The following CPVL variants were observed in gnomAD, a reference collection of about 807,000 sequenced individuals.
CPVL encodes the protein carboxypeptidase vitellogenic like, also known as probable serine carboxypeptidase CPVL.
Under a neutral mutation model 63.7 loss-of-function variants are expected in CPVL, and 51 were observed. That is an observed-to-expected ratio of 0.80 (90% CI 0.64 to 1.01). The LOEUF (loss-of-function observed/expected upper bound fraction) is 1.01, where lower values mean the gene tolerates loss of function less well. CPVL is among the 50% of genes least tolerant of loss of function. The pLI is 0.00. For synonymous variants in CPVL, 195 were observed against 206.0 expected (o/e 0.95, Z 0.46); for missense variants, 530 against 573.1 (o/e 0.92, Z 0.77).
At chr7:29,071,725 C>G in intron 9 of CPVL, 48 bp downstream of exon 9, 1 of 1,444,884 alleles carries the variant, frequency 6.9e-7, no homozygotes. Context: ...CCTCCCTCCC[C>G]AGATGGTTTT....
At chr7:29,098,098 A>T (rs1471135672) in intron 3 of CPVL, among the ~76,000 whole-genome samples, 1 of 152,168 alleles carries the variant, frequency 6.6e-6, no homozygotes, top group Non-Finnish European at 1.5e-5. Context: ...CCCAGAATAA[A>T]ATCCCACCAC....
At chr7:29,003,640 C>T (rs1784882557) in intron 12 of CPVL, among the ~76,000 whole-genome samples, 1 of 152,112 alleles carries the variant, frequency 6.6e-6, no homozygotes, top group South Asian at 2.1e-4. Context: ...AAAGACAGTA[C>T]TTGCACAAAA....
At chr7:29,175,192 T>C (rs1041509534) in intron 5 of CPVL, among the ~76,000 whole-genome samples, 1 of 149,420 alleles carries the variant, frequency 6.7e-6, no homozygotes. Context: ...TTTTTTTTTT[T>C]GAGACGGGGC....
At chr7:29,105,692 T>G (rs773181504) in intron 3 of CPVL, among the ~76,000 whole-genome samples, 12 of 152,148 alleles carry the variant, frequency 7.9e-5, no homozygotes, top group Non-Finnish European at 1.8e-4. Context: ...TCACCTTTAA[T>G]TCTGTTACAA....
chr7:29,003,426 T>C (rs1009538211), intron 12 of CPVL, among the ~76,000 whole-genome samples: 5 of 152,008 alleles, frequency 3.3e-5, no homozygotes, highest in Non-Finnish European at 7.4e-5. Context: ...AAACAAAAAA[T>C]TGGAAAAGGT....
At chr7:29,033,105 C>A (rs1264364699) in intron 11 of CPVL, among the ~76,000 whole-genome samples, 2 of 152,094 alleles carry the variant, frequency 1.3e-5, no homozygotes, top group Non-Finnish European at 2.9e-5. Context: ...AGCAAGGAAA[C>A]CATTTTGTAT....
intron 11 of CPVL, among the ~76,000 whole-genome samples, chr7:29,061,076 C>T (rs1791228437): frequency 1.3e-5 from 2 of 152,152 alleles, no homozygotes; most frequent in African/African-American, 2.4e-5. Context: ...TTATCTATAC[C>T]ACTAAACTCT....
intron 1 of CPVL, chr7:29,192,960 G>A (rs1009368648): frequency 2.0e-5 from 3 of 152,230 alleles, no homozygotes; most frequent in Admixed American, 6.5e-5. Context: ...AGTTCCTTCT[G>A]ATCTGATCAA....
At chr7:29,171,081 A>G (rs4562212) in intron 5 of CPVL, among the ~76,000 whole-genome samples, 18,353 of 152,142 alleles carry the variant, frequency 0.12, 1,241 homozygotes, top group East Asian at 0.24. Context: ...TTAAAAAACG[A>G]CTTTATGAGA....
At chr7:29,053,692 G>C (rs968068931) in intron 11 of CPVL, among the ~76,000 whole-genome samples, 1 of 152,024 alleles carries the variant, frequency 6.6e-6, no homozygotes, top group African/African-American at 2.4e-5. Context: ...AATTGCAGTT[G>C]CAAAAACCAC....
At chr7:29,077,555 C>T (rs977677266) in intron 7 of CPVL, among the ~76,000 whole-genome samples, 1 of 152,138 alleles carries the variant, frequency 6.6e-6, no homozygotes, top group Non-Finnish European at 1.5e-5. Flanking sequence ...AAGCTCCCTG[C>T]CCTGCTTGAA....
chr7:29,108,870 A>C (rs1022227606), intron 3 of CPVL, among the ~76,000 whole-genome samples: 1 of 152,236 alleles, frequency 6.6e-6, no homozygotes, highest in Non-Finnish European at 1.5e-5. Flanking sequence ...AGTCTTGGCC[A>C]CTATACTCAA....
At chr7:29,106,018 C>T (rs751850459) in intron 3 of CPVL, among the ~76,000 whole-genome samples, 5 of 152,138 alleles carry the variant, frequency 3.3e-5, no homozygotes, top group Non-Finnish European at 7.3e-5. Flanking sequence ...GGCTGCTGTC[C>T]AGACCTCGGT....
chr7:29,164,801 A>G (rs1019609290), intron 5 of CPVL, among the ~76,000 whole-genome samples: 1 of 142,214 alleles, frequency 7.0e-6, no homozygotes, highest in African/African-American at 2.6e-5. Context: ...AAAAAAAAAA[A>G]CAAAGATTAT....
chr7:29,069,770 ATGTGTGTGTGTGTGTGTG>A (rs70977102), intron 9 of CPVL, among the ~76,000 whole-genome samples: 9,319 of 132,280 alleles, frequency 0.07, 352 homozygotes, highest in East Asian at 0.099. Context: ...TCACCAGTAA[ATGTGTGTGTGTGTGTGTG>A]TGTGTGTGTG....
chr7:29,087,183 T>C (rs1785287701), intron 6 of CPVL, among the ~76,000 whole-genome samples: 1 of 152,074 alleles, frequency 6.6e-6, no homozygotes. Flanking sequence ...ACCAGGACTT[T>C]GGGAGGCTAA....
At chr7:29,137,112 C>A (rs1486997384) in intron 1 of CPVL, among the ~76,000 whole-genome samples, 1 of 152,202 alleles carries the variant, frequency 6.6e-6, no homozygotes, top group Non-Finnish European at 1.5e-5. Flanking sequence ...GCTGTCTCTC[C>A]TATTGAGGTG....
At chr7:29,056,143 C>A (rs1790707850) in intron 11 of CPVL, among the ~76,000 whole-genome samples, 1 of 152,202 alleles carries the variant, frequency 6.6e-6, no homozygotes, top group Admixed American at 6.5e-5. Context: ...CAATATCCCT[C>A]ACCACAGCGA....
chr7:29,038,003 T>C (rs917886112), intron 11 of CPVL, among the ~76,000 whole-genome samples: 3 of 152,136 alleles, frequency 2.0e-5, no homozygotes, highest in African/African-American at 7.2e-5. Flanking sequence ...GTTTTACCAA[T>C]GTTTTTATTG....
Sources: gnomAD v4.1 joint callset for allele counts (sites outside exome capture counted in the v4.1 genomes callset) on GRCh38, gnomAD v4.1.1 for gene constraint, MANE v1.5 for transcripts, NCBI Gene and HGNC (gene_info 2026-07-23, HGNC 2026-07-21) for gene names.